KIAA1217: variants seen among roughly 807,000 people sequenced by gnomAD.
KIAA1217 encodes KIAA1217, also known as sickle tail protein homolog.
A neutral mutation model predicts 163.9 loss-of-function variants in KIAA1217; 88 were observed. The observed-to-expected ratio is 0.54, with a 90% CI of 0.45 to 0.64. The LOEUF (loss-of-function observed/expected upper bound fraction) is 0.64. Ranked by LOEUF, KIAA1217 falls within the 30% of genes least tolerant of loss-of-function variation. The probability of loss-of-function intolerance (pLI) is 0.00; values close to 1 mark genes in which losing one functional copy is unlikely to be tolerated. For synonymous variants in KIAA1217, 903 were observed against 923.1 expected (o/e 0.98, Z 0.39); for missense variants, 2,372 against 2,475.0 (o/e 0.96, Z 0.88).
Position 24,200,536 on chromosome 10 carries a change from C to T in KIAA1217, c.-170-19090C>T, listed in dbSNP as rs1338777469. ...CAGCTTTCGCCTGCCATACTGCCTG[C>T]ATCTGGGGTGACCAACTCAACCCAG... is the stretch of plus-strand genomic sequence containing the variant. On this transcript the variant is annotated intron_variant, in intron 2 of 18. Coordinates refer to the KIAA1217 transcript ENST00000376462. Among the ~76,000 whole-genome samples, 8 of 152,330 alleles carry T rather than the reference C, an allele frequency of 5.3e-5. No homozygotes were observed. In the East Asian group the frequency reaches 5.8e-4, roughly 11 times the overall value.
chr10:24,495,261 T>A, intron 8 of KIAA1217, 65 bp downstream of exon 8: 1 of 1,328,054 alleles, frequency 7.5e-7, no homozygotes, highest in Non-Finnish European at 1.1e-6. Flanking sequence ...CTGGCTGGTC[T>A]CAGAAATGTT....
At chr10:24,013,526 G>GT in intron 2 of KIAA1217, among the ~76,000 whole-genome samples, 1 of 152,212 alleles carries the variant, frequency 6.6e-6, no homozygotes, top group African/African-American at 2.4e-5. Flanking sequence ...ATCCATGTCT[G>GT]TGTTATAGAT....
chr10:24,058,222 C>T (rs1226315367), intron 2 of KIAA1217, among the ~76,000 whole-genome samples: 1 of 152,168 alleles, frequency 6.6e-6, no homozygotes, highest in African/African-American at 2.4e-5. Flanking sequence ...GGGTTCATTT[C>T]TGGGCTTTCA....
At chr10:23,875,218 G>GA (rs202153182) in intron 1 of KIAA1217, among the ~76,000 whole-genome samples, 1,987 of 152,022 alleles carry the variant, frequency 0.013, 59 homozygotes, top group African/African-American at 0.045. Flanking sequence ...ATTTGGAGGG[G>GA]AAAAATATAT....
chr10:23,854,823 T>A (rs1283838012), intron 1 of KIAA1217, among the ~76,000 whole-genome samples: 6 of 152,010 alleles, frequency 3.9e-5, no homozygotes, highest in South Asian at 2.1e-4. Flanking sequence ...TTTATCAGAG[T>A]CTAGGATTGC....
intron 6 of KIAA1217, among the ~76,000 whole-genome samples, chr10:24,476,255 A>G (rs993451577): frequency 1.3e-5 from 2 of 152,190 alleles, no homozygotes; most frequent in Non-Finnish European, 2.9e-5. Context: ...CTTAATGTAC[A>G]TCCTTGAGCC....
intron 1 of KIAA1217, among the ~76,000 whole-genome samples, chr10:23,707,651 T>C (rs942096909): frequency 6.6e-6 from 1 of 152,174 alleles, no homozygotes; most frequent in African/African-American, 2.4e-5. Context: ...TTGGGAGATG[T>C]GTCCACTGAA....
At chr10:24,095,097 A>T (rs962602921) in intron 2 of KIAA1217, among the ~76,000 whole-genome samples, 1 of 152,188 alleles carries the variant, frequency 6.6e-6, no homozygotes, top group African/African-American at 2.4e-5. Context: ...AAAGCGCAGT[A>T]TTCACGTGGG....
At chr10:24,054,985 C>A (rs993830045) in intron 2 of KIAA1217, among the ~76,000 whole-genome samples, 2 of 152,070 alleles carry the variant, frequency 1.3e-5, no homozygotes. Flanking sequence ...TTTTCTTAGA[C>A]GCTGGGCATG....
intron 2 of KIAA1217, among the ~76,000 whole-genome samples, chr10:24,201,944 G>C (rs1420572906): frequency 6.6e-6 from 1 of 151,970 alleles, no homozygotes; most frequent in African/African-American, 2.4e-5. Flanking sequence ...CTCCTATCCA[G>C]CACCCCATTC....
At chr10:23,968,724 A>G (rs112979713) in intron 1 of KIAA1217, among the ~76,000 whole-genome samples, 167 of 152,332 alleles carry the variant, frequency 1.1e-3, no homozygotes, top group African/African-American at 2.9e-3. Context: ...GAACTATACA[A>G]TGGGTGGTCT....
chr10:23,941,410 A>G (rs930813846), intron 1 of KIAA1217, among the ~76,000 whole-genome samples: 1 of 152,196 alleles, frequency 6.6e-6, no homozygotes, highest in African/African-American at 2.4e-5. Flanking sequence ...GTGACCAAAA[A>G]CACACAGAAA....
chr10:24,199,010 G>A (rs573026994), intron 2 of KIAA1217, among the ~76,000 whole-genome samples: 14 of 152,256 alleles, frequency 9.2e-5, no homozygotes, highest in African/African-American at 3.1e-4. Context: ...GGTGAGGCAA[G>A]GAATTCAAGA....
intron 1 of KIAA1217, among the ~76,000 whole-genome samples, chr10:23,839,000 GCTCCATTCTTTTC>G (rs151097321): frequency 0.024 from 3,695 of 151,872 alleles, 152 homozygotes; most frequent in African/African-American, 0.084. Flanking sequence ...TCTGTGTTCA[GCTCCATTCTTTTC>G]CTCCATATTC....
At chr10:24,159,340 T>C (rs1369871082) in intron 2 of KIAA1217, among the ~76,000 whole-genome samples, 3 of 152,202 alleles carry the variant, frequency 2.0e-5, no homozygotes, top group Admixed American at 2.0e-4. Flanking sequence ...ACATTGTCAA[T>C]GATTTTAAAA....
intron 1 of KIAA1217, among the ~76,000 whole-genome samples, chr10:23,815,267 G>GA (rs947500269): frequency 1.3e-5 from 2 of 151,410 alleles, no homozygotes; most frequent in East Asian, 1.9e-4. Context: ...TTTTACAGAT[G>GA]AAAAAAAAGC....
intron 1 of KIAA1217, among the ~76,000 whole-genome samples, chr10:23,725,052 G>T (rs768905690): frequency 8.5e-5 from 13 of 152,112 alleles, no homozygotes; most frequent in Non-Finnish European, 1.2e-4. Flanking sequence ...TTTCATACAA[G>T]GTGCCTCCCC....
intron 1 of KIAA1217, among the ~76,000 whole-genome samples, chr10:23,810,957 ATATATAG>A (rs1837006739): frequency 8.5e-6 from 1 of 117,688 alleles, no homozygotes; most frequent in Non-Finnish European, 1.6e-5. Flanking sequence ...ATTATATAAT[ATATATAG>A]TATATATTAT....
At chr10:24,440,342 A>C (rs1327724746) in intron 5 of KIAA1217, among the ~76,000 whole-genome samples, 1 of 152,156 alleles carries the variant, frequency 6.6e-6, no homozygotes, top group Non-Finnish European at 1.5e-5. Context: ...GACATTCATC[A>C]ATGTCTTCGC....
Sources: allele counts gnomAD v4.1 joint callset (sites outside exome capture counted in the v4.1 genomes callset), GRCh38; gene constraint gnomAD v4.1.1; transcripts MANE v1.5; gene names NCBI Gene and HGNC (gene_info 2026-07-23, HGNC 2026-07-21).